Variants in ASIC2 observed in about 807,000 individuals in gnomAD.
ASIC2 encodes acid sensing ion channel subunit 2.
In ASIC2, 25 loss-of-function variants were observed where a neutral mutation model predicts 57.3. That is an observed-to-expected ratio of 0.44 (90% CI 0.32 to 0.61). ASIC2 has a LOEUF of 0.61. Ranked by LOEUF, ASIC2 falls within the 20% of genes least tolerant of loss-of-function variation. ASIC2 has a pLI of 0.06. For missense variants in ASIC2, 641 were observed against 738.1 expected (o/e 0.87, Z 1.52); for synonymous variants, 319 against 307.5 (o/e 1.04, Z -0.39).
chr17:33,381,258 CT>C (rs1909478053), intron 1 of ASIC2, among the ~76,000 whole-genome samples: 1 of 152,236 alleles, frequency 6.6e-6, no homozygotes, highest in Non-Finnish European at 1.5e-5. Flanking sequence ...AGGAACTCTC[CT>C]TTTTAATAAA....
intron 1 of ASIC2, among the ~76,000 whole-genome samples, chr17:33,168,261 G>C (rs1184999013): frequency 1.3e-5 from 2 of 152,160 alleles, no homozygotes; most frequent in African/African-American, 4.8e-5. Flanking sequence ...ACAGAAAATT[G>C]GTGCCAAAGA....
At chr17:34,112,736 G>GCCTC (rs34576309) in intron 1 of ASIC2, among the ~76,000 whole-genome samples, 3,347 of 152,244 alleles carry the variant, frequency 0.022, 108 homozygotes, top group African/African-American at 0.065. Context: ...GCTCCCTGAA[G>GCCTC]CCTCTTAGGA....
chr17:34,016,419 G>A (rs572299949), intron 1 of ASIC2, among the ~76,000 whole-genome samples: 6 of 89,546 alleles, frequency 6.7e-5, no homozygotes, highest in African/African-American at 2.1e-4. Context: ...GCGAGACTCC[G>A]TCTCAAAAAA....
intron 1 of ASIC2, among the ~76,000 whole-genome samples, chr17:33,686,950 C>T (rs2142061293): frequency 6.6e-6 from 1 of 152,208 alleles, no homozygotes; most frequent in African/African-American, 2.4e-5. Flanking sequence ...GCAGTCTAGC[C>T]AAGAACAGTC....
chr17:33,248,334 T>C (rs577389674), intron 1 of ASIC2, among the ~76,000 whole-genome samples: 58 of 152,266 alleles, frequency 3.8e-4, no homozygotes, highest in African/African-American at 1.3e-3. Context: ...AGGGTAGTAA[T>C]GTGGGCAAGA....
chr17:33,383,230 A>G (rs1340198920), intron 1 of ASIC2, among the ~76,000 whole-genome samples: 1 of 152,180 alleles, frequency 6.6e-6, no homozygotes, highest in Non-Finnish European at 1.5e-5. Context: ...TGGATTTCAA[A>G]AAGTGATTTT....
At chr17:33,823,355 G>A (rs908790063) in intron 1 of ASIC2, among the ~76,000 whole-genome samples, 6 of 152,202 alleles carry the variant, frequency 3.9e-5, no homozygotes, top group Non-Finnish European at 2.9e-5. Flanking sequence ...AATTTGTGGG[G>A]TTGGGGAAGG....
chr17:33,931,386 A>G (rs547545285), intron 1 of ASIC2: 15 of 152,336 alleles, frequency 9.8e-5, no homozygotes, highest in African/African-American at 3.6e-4. Flanking sequence ...ATCTATAGAT[A>G]ACACAAGCAG....
intron 1 of ASIC2, among the ~76,000 whole-genome samples, chr17:33,510,233 G>A (rs1914390183): frequency 6.6e-6 from 1 of 152,152 alleles, no homozygotes; most frequent in African/African-American, 2.4e-5. Flanking sequence ...CTGACCTGTG[G>A]ATGAGACTCA....
At chr17:33,410,629 C>T (rs996820464) in intron 1 of ASIC2, among the ~76,000 whole-genome samples, 8 of 152,116 alleles carry the variant, frequency 5.3e-5, no homozygotes, top group Admixed American at 5.2e-4. Flanking sequence ...TGCCATGAGG[C>T]CCTCGTGCCC....
At chr17:34,055,895 G>T (rs554022309) in intron 1 of ASIC2, among the ~76,000 whole-genome samples, 18 of 152,286 alleles carry the variant, frequency 1.2e-4, no homozygotes, top group African/African-American at 4.3e-4. Context: ...CCTAGGAGTA[G>T]AATTAATTTA....
At chr17:33,543,445 A>G (rs1288598318) in intron 1 of ASIC2, among the ~76,000 whole-genome samples, 1 of 152,186 alleles carries the variant, frequency 6.6e-6, no homozygotes. Context: ...TAACAGTGAA[A>G]GCTTGAAAGT....
At chr17:33,969,600 C>T (rs1380306476) in intron 1 of ASIC2, among the ~76,000 whole-genome samples, 3 of 152,280 alleles carry the variant, frequency 2.0e-5, no homozygotes, top group Admixed American at 1.3e-4. Flanking sequence ...ATTGAGGCTC[C>T]GTCCCACTGG....
At position 33,292,046 on chromosome 17, in the gene ASIC2, G is replaced by C. The variant is rs1431914105; in HGVS notation, c.70C>G (p.Arg24Gly). 2.5e-5 allele frequency: 28 copies of C among 1,141,460 alleles called. No individual in the cohort carries two copies. Among genetic ancestry groups the C allele is most frequent in the Admixed American group, 9.9e-5 (2 of 20,178 alleles). The allele number at this position is 1,141,460 out of a possible 1,614,324, so 70.7% of individuals were successfully genotyped here. ...AACGCCGCGGGCGCCGGCTCCTCGC[G>C]GGCCATGCGGAAGCGTCCCGGGCCG... ...LTGPGRFRMA[R>G]EEPAPAALAA... Residue 24 changes from arginine to glycine, a missense_variant, in exon 1 of 10, where the codon CGC (arginine) becomes GGC (glycine). Transcript: ENST00000225823.
intron 1 of ASIC2, among the ~76,000 whole-genome samples, chr17:33,986,655 C>T (rs954017317): frequency 2.0e-5 from 3 of 152,102 alleles, no homozygotes; most frequent in African/African-American, 7.2e-5. Flanking sequence ...CCCCTCGATG[C>T]CACCACAGAG....
At chr17:33,749,593 T>C (rs1910368241) in intron 1 of ASIC2, among the ~76,000 whole-genome samples, 1 of 152,012 alleles carries the variant, frequency 6.6e-6, no homozygotes, top group African/African-American at 2.4e-5. Flanking sequence ...GACCGCCCTC[T>C]CCATGGCTCC....
chr17:34,054,681 G>A (rs970245911), intron 1 of ASIC2, among the ~76,000 whole-genome samples: 7 of 152,126 alleles, frequency 4.6e-5, no homozygotes, highest in African/African-American at 2.4e-5. Flanking sequence ...ATTTACTGCT[G>A]ACCATGGTGC....
chr17:33,696,003 G>T (rs183928426), intron 1 of ASIC2, among the ~76,000 whole-genome samples: 31 of 152,192 alleles, frequency 2.0e-4, no homozygotes, highest in Non-Finnish European at 8.8e-5. Context: ...TGGATCTAGT[G>T]CATTCATTTT....
At chr17:33,854,119 C>T (rs1249564315) in intron 1 of ASIC2, among the ~76,000 whole-genome samples, 3 of 152,162 alleles carry the variant, frequency 2.0e-5, no homozygotes, top group Admixed American at 6.5e-5. Context: ...CCCCAGTAAA[C>T]GTCTATTGTT....
Sources: gnomAD v4.1 joint callset for allele counts (sites outside exome capture counted in the v4.1 genomes callset) on GRCh38, gnomAD v4.1.1 for gene constraint, MANE v1.5 for transcripts, NCBI Gene and HGNC (gene_info 2026-07-23, HGNC 2026-07-21) for gene names.